SLC36A1: variants seen among roughly 807,000 people sequenced by gnomAD.
SLC36A1 encodes the protein proton-coupled amino acid transporter 1.
A neutral mutation model predicts 47.5 loss-of-function variants in SLC36A1; 30 were observed. The observed-to-expected ratio is 0.63, with a 90% CI of 0.47 to 0.86. The LOEUF (loss-of-function observed/expected upper bound fraction) is 0.86, where lower values mean the gene tolerates loss of function less well. Ranked by LOEUF, SLC36A1 falls within the 40% of genes least tolerant of loss-of-function variation. The pLI, the probability that SLC36A1 is intolerant of heterozygous loss-of-function variation, is 0.00. For missense variants in SLC36A1, 517 were observed against 606.0 expected, an observed-to-expected ratio of 0.85 and a Z score of 1.54; for synonymous variants, 255 against 249.7, an observed-to-expected ratio of 1.02 and a Z score of -0.20.
At chr5:151,400,521 C>CA in the SLC36A1 span, among the ~76,000 whole-genome samples, 1 of 152,076 alleles carries the variant, frequency 6.6e-6, no homozygotes, top group African/African-American at 2.4e-5. Flanking sequence ...GGTATATACC[C>CA]AGTAGTGGGA....
chr5:151,474,773 G>T (rs997380431), intron 8 of SLC36A1, among the ~76,000 whole-genome samples: 9 of 152,120 alleles, frequency 5.9e-5, no homozygotes, highest in Non-Finnish European at 1.3e-4. Flanking sequence ...AATTTTATTT[G>T]TATTTTTCAT....
At chr5:151,471,356 G>A (rs1310826160) in intron 7 of SLC36A1, among the ~76,000 whole-genome samples, 3 of 152,188 alleles carry the variant, frequency 2.0e-5, no homozygotes, top group South Asian at 4.1e-4. Flanking sequence ...TTCTCATTTA[G>A]TTGGTTGGGT....
At chr5:151,467,629 G>A in intron 6 of SLC36A1, 78 bp from the exon 7 acceptor site, 1 of 1,256,386 alleles carries the variant, frequency 8.0e-7, no homozygotes. Context: ...CTTTCCTCAG[G>A]AACCTCTTCC....
intron 1 of SLC36A1, among the ~76,000 whole-genome samples, chr5:151,438,831 T>C (rs1759933359): frequency 6.6e-6 from 1 of 152,236 alleles, no homozygotes; most frequent in Admixed American, 6.5e-5. Flanking sequence ...GCAACATTTT[T>C]TTCTGAGTCC....
rs758794849 is a variant in SLC36A1 at position 151,463,554 on chromosome 5, T to G, written c.145T>G (p.Trp49Gly). 3.9e-5 allele frequency: 63 copies of G among 1,612,936 alleles called. No individual in the cohort carries two copies. Among genetic ancestry groups the G allele is most frequent in the Non-Finnish European group, 5.0e-5 (59 of 1,178,972 alleles). Residue 49 changes from tryptophan (W) to glycine (G), a missense_variant and splice_region_variant, in exon 3 of 11, where the codon TGG becomes GGG. By Grantham distance (184) the Trp-to-Gly change is radical (BLOSUM62 -2). Transcript: ENST00000243389. ...TTCCTTGGCTGTCTTCCACTTCAGA[T>G]GGTTCCAGACCTTGATCCACCTGTT... ...QRFGQSNSTTWFQTLIHLLKG... is the reference protein window; with the variant it reads ...QRFGQSNSTTGFQTLIHLLKG...
chr5:151,435,305 A>G (rs1476952061), upstream of SLC36A1, among the ~76,000 whole-genome samples: 2 of 152,216 alleles, frequency 1.3e-5, no homozygotes, highest in Non-Finnish European at 2.9e-5. Flanking sequence ...GATCACCTCA[A>G]TATGCTGAGA....
At chr5:151,496,644 C>T (rs979524291), downstream of SLC36A1, among the ~76,000 whole-genome samples, 1 of 152,176 alleles carries the variant, frequency 6.6e-6, no homozygotes, top group Non-Finnish European at 1.5e-5. Context: ...CAACCCCTGC[C>T]TCCTGGGTTC....
the SLC36A1 span, chr5:151,512,711 A>AG: frequency 8.1e-6 from 9 of 1,104,832 alleles, no homozygotes; most frequent in South Asian, 1.1e-4. The surrounding 1 kb of genome is among the most constrained non-coding windows in gnomAD (Gnocchi z 4.1). Flanking sequence ...TATGGGTAGG[A>AG]GGGGGGTGTT....
chr5:151,416,009 C>T, the SLC36A1 span, among the ~76,000 whole-genome samples: 9 of 152,072 alleles, frequency 5.9e-5, no homozygotes, highest in Non-Finnish European at 2.9e-5. Flanking sequence ...GGGGAGCTGA[C>T]GTAGGAGAAT....
chr5:151,452,252 A>G (rs2127455437), intron 1 of SLC36A1: 1 of 152,338 alleles, frequency 6.6e-6, no homozygotes, highest in East Asian at 1.9e-4. Flanking sequence ...TGCTGTTTTA[A>G]AAACAAATTA....
At chr5:151,382,226 C>T in the SLC36A1 span, 35 of 1,288,558 alleles carry the variant, frequency 2.7e-5, no homozygotes, top group South Asian at 1.6e-4. Context: ...TCTGCAAGTG[C>T]GGGTCACTCA....
chr5:151,545,589 T>C, the SLC36A1 span: 1 of 1,614,080 alleles, frequency 6.2e-7, no homozygotes, highest in Non-Finnish European at 8.5e-7. Context: ...ATACAGGGCT[T>C]CCTTGGTCAT....
At position 151,463,160 on chromosome 5, in the gene SLC36A1, C is replaced by G. The variant is rs145570953; in HGVS notation, c.144-393C>G. Among the ~76,000 whole-genome samples, 401 of 152,326 alleles carry G rather than the reference C, an allele frequency of 2.6e-3. 5 individuals carry two copies. The highest frequency in any genetic ancestry group is 9.5e-3 in the African/African-American group (394 of 41,568). On this transcript the variant is annotated intron_variant, in intron 2 of 10. Transcript: ENST00000243389. ...AAAGTAGTGGGATTATAGGCATGAG[C>G]CACTGTGCCTGGCCAGGTCTGAGCC...
the SLC36A1 span, among the ~76,000 whole-genome samples, chr5:151,399,065 A>AAT: frequency 6.2e-4 from 41 of 66,606 alleles, 1 homozygote; most frequent in African/African-American, 1.9e-3. Context: ...TGTGTGTGTA[A>AAT]ATATATATAT....
the SLC36A1 span, chr5:151,551,427 T>A: frequency 6.2e-7 from 1 of 1,601,294 alleles, no homozygotes; most frequent in South Asian, 1.1e-5. Context: ...AGGCCTTCCA[T>A]CTCCTCTCAA....
chr5:151,444,293 C>T (rs1712904207), upstream of SLC36A1, among the ~76,000 whole-genome samples: 1 of 152,124 alleles, frequency 6.6e-6, no homozygotes, highest in Non-Finnish European at 1.5e-5. Flanking sequence ...TCTTCTGATC[C>T]ATGTGCATGG....
the SLC36A1 span, among the ~76,000 whole-genome samples, chr5:151,418,080 A>G: frequency 3.3e-5 from 5 of 152,252 alleles, no homozygotes; most frequent in Non-Finnish European, 7.3e-5. Context: ...TGTTGGGCCT[A>G]CAGGTGCACA....
the SLC36A1 span, chr5:151,542,703 C>A: frequency 6.2e-7 from 1 of 1,614,220 alleles, no homozygotes; most frequent in Non-Finnish European, 8.5e-7. Flanking sequence ...CTGGCATATT[C>A]TCAGTGAGGA....
chr5:151,377,474 G>A, the SLC36A1 span, among the ~76,000 whole-genome samples: 6 of 148,706 alleles, frequency 4.0e-5, no homozygotes, highest in South Asian at 2.2e-4. Context: ...TCAGCCTCCC[G>A]TGTAGCTGGG....
Sources: gnomAD v4.1 joint callset for allele counts (sites outside exome capture counted in the v4.1 genomes callset) on GRCh38, gnomAD v4.1.1 for gene constraint, Gnocchi (gnomAD v3.1) non-coding constraint, MANE v1.5 for transcripts, NCBI Gene and HGNC (gene_info 2026-07-23, HGNC 2026-07-21) for gene names.